The following MGAM variants were observed in gnomAD, a reference collection of about 807,000 sequenced individuals.
The protein encoded by MGAM is alpha-1,4-glucosidase.
Under a neutral mutation model 358.8 loss-of-function variants are expected in MGAM, and 253 were observed. The ratio of observed to expected loss-of-function variants is 0.71; its 90% CI spans 0.64 to 0.78. The LOEUF is 0.78. Ranked by LOEUF, MGAM falls within the 30% of genes least tolerant of loss-of-function variation. The pLI is 0.00. For missense variants in MGAM, 3,080 were observed against 3,432.6 expected, an observed-to-expected ratio of 0.90 and a Z score of 2.57; for synonymous variants, 1,105 against 1,227.1, an observed-to-expected ratio of 0.90 and a Z score of 2.08.
rs112992865 is a variant in MGAM at position 142,087,003 on chromosome 7, C to G, written c.6810+286C>G. ...CAGAGTGTTGATTTCAATTCCAAGG[C>G]TGTCAGATTACAAAGGCCCAAGAAA... is the stretch of plus-strand genomic sequence containing the variant. On this transcript the variant is annotated intron_variant, in intron 57 of 70. Coordinates refer to ENST00000475668, the MANE Select transcript of MGAM (RefSeq NM_001365693.1). 1.6e-3 allele frequency among the ~76,000 whole-genome samples: 165 copies of G among 100,124 alleles called. 29 individuals carry two copies. Among genetic ancestry groups the G allele is most frequent in the South Asian group, 0.014 (45 of 3,238 alleles). 65.7% of individuals were successfully genotyped at this position (100,124 alleles called of 152,430 possible).
At chr7:142,071,895 C>A (rs972269948) in intron 44 of MGAM, among the ~76,000 whole-genome samples, 1 of 146,124 alleles carries the variant, frequency 6.8e-6, no homozygotes, top group African/African-American at 2.4e-5. Flanking sequence ...TATCTTCATG[C>A]CTTTGAGAGT....
chr7:142,037,598 G>A (rs1412365012), intron 18 of MGAM, among the ~76,000 whole-genome samples: 1 of 152,012 alleles, frequency 6.6e-6, no homozygotes, highest in Admixed American at 6.6e-5. Flanking sequence ...CATTATTTTG[G>A]GAAGTTTTTG....
intron 2 of MGAM, 77 bp downstream of exon 2, chr7:142,005,734 G>T: frequency 7.0e-7 from 1 of 1,435,606 alleles, no homozygotes; most frequent in Non-Finnish European, 9.5e-7. Context: ...GGAAAGTAAT[G>T]CTTTCATGCT....
rs1241243844 is a variant in MGAM at position 142,026,980 on chromosome 7, G to A, written c.983-135G>A. ...CTTGGATGGTCAGGGTTTTCACTTGGTATTCAAAATGTGAGGCACTAGGGT... is the reference window on the plus strand; with the variant it reads ...CTTGGATGGTCAGGGTTTTCACTTGATATTCAAAATGTGAGGCACTAGGGT... On this transcript the variant is annotated intron_variant, in intron 8 of 70. Coordinates refer to ENST00000475668, the MANE Select transcript of MGAM (RefSeq NM_001365693.1). 1.4e-5 allele frequency: 9 copies of A among 624,912 alleles called. No individual in the cohort carries two copies. The East Asian group carries it at 1.6e-4, about 11-fold the overall frequency. 38.7% of individuals were successfully genotyped at this position (624,912 alleles called of 1,614,324 possible).
intron 49 of MGAM, 103 bp downstream of exon 49, chr7:142,079,111 A>T: frequency 9.7e-7 from 1 of 1,033,586 alleles, no homozygotes; most frequent in East Asian, 2.6e-5. Flanking sequence ...ATCATGCTAC[A>T]TTAGACTATG....
rs371258426 is a variant in MGAM, at chr7:142,073,886, G to T, written c.5187-199G>T. On this transcript the variant is annotated intron_variant, in intron 44 of 70. Transcript: ENST00000475668. ...CTCCAACGTAGATGTTATTGTTAAT[G>T]TTTGGGGTGTTTCTATCTCCTGTGA... is the stretch of plus-strand genomic sequence containing the variant. Among the ~76,000 whole-genome samples the T allele has an allele frequency of 1.0e-4, 15 of 146,486 alleles. 2 individuals are homozygous for T. In the South Asian group the frequency reaches 2.6e-3, roughly 26 times the overall value.
chr7:142,054,803 T>G lies in MGAM; in HGVS notation c.3209T>G (p.Ile1070Arg). The G allele has an allele frequency of 4.3e-6, 7 of 1,613,956 alleles. No individual in the cohort carries two copies. The highest frequency in any genetic ancestry group is 5.1e-6 in the Non-Finnish European group (6 of 1,179,854). The stretch of plus-strand genomic sequence containing the variant: ...TATGAAGTTCCAGTCCCTCTGAACA[T>G]ACCCAGCATGCCATCCAGCACCCCT... Reference protein sequence around the residue: ...NRYEVPVPLNIPSMPSSTPEG... With the variant: ...NRYEVPVPLNRPSMPSSTPEG... Residue 1070 changes from isoleucine (I) to arginine (R), a missense_variant, in exon 27 of 71, where the codon ATA (isoleucine) becomes AGA (arginine). Transcript: ENST00000475668.
chr7:142,024,744 C>T (rs1051521283), intron 7 of MGAM, among the ~76,000 whole-genome samples: 7 of 152,112 alleles, frequency 4.6e-5, no homozygotes, highest in African/African-American at 1.7e-4. Flanking sequence ...AGACAGGCCT[C>T]TTTGAGAGGG....
chr7:142,007,550 T>C (rs576514019), intron 2 of MGAM, among the ~76,000 whole-genome samples: 1 of 152,278 alleles, frequency 6.6e-6, no homozygotes, highest in East Asian at 1.9e-4. Flanking sequence ...ATGCAGACAT[T>C]GGCACAATTT....
intron 38 of MGAM, 39 bp downstream of exon 38, chr7:142,065,507 A>C (rs1310134416): frequency 6.2e-7 from 1 of 1,613,902 alleles, no homozygotes; most frequent in Non-Finnish European, 8.5e-7. Flanking sequence ...CCGACAGGGC[A>C]GGGAGTTGGG....
rs1340394746 is a variant in MGAM at position 142,086,245 on chromosome 7, C to T, written c.6664C>T (p.Gln2222Ter). 1.3e-6 allele frequency: 2 copies of T among 1,542,246 alleles called. No homozygotes were observed. The highest frequency in any genetic ancestry group is 1.8e-6 in the Non-Finnish European group (2 of 1,125,100). The change falls in exon 56 of 71, where the codon CAG becomes TAG. Residue 2222 changes from glutamine (Q) to a stop codon, truncating the protein, a stop_gained. Coordinates refer to ENST00000475668, the MANE Select transcript of MGAM (RefSeq NM_001365693.1). LOFTEE classifies it high-confidence loss of function. The stretch of plus-strand genomic sequence containing the variant: ...TCCAGCCATTTCTGGCAATGAGACA[C>T]AGCCCTATCCTGCCTTCACTCGGGG... ...LDPAISGNET[Q>*]PYPAFTRGVE...
Position 142,091,919 on chromosome 7 carries a change from C to T in MGAM, c.6817C>T (p.Arg2273Ter), listed in dbSNP as rs758163241. Residue 2273 changes from arginine to a stop codon, truncating the protein, a stop_gained, in exon 58 of 71, where the codon CGA (arginine) becomes TGA (stop). Coordinates refer to ENST00000475668, the MANE Select transcript of MGAM (RefSeq NM_001365693.1). LOFTEE classifies it high-confidence loss of function. ...TTATATTTCTTTTTTATAGCTATAT[C>T]GAGCTTATGTGGCCTTCCCAGACTT... is the stretch of plus-strand genomic sequence containing the variant. ...LDWDSQVELY[R>*]AYVAFPDFFR... 15 of 1,482,394 alleles carry T rather than the reference C, an allele frequency of 1.0e-5. 2 individuals carry two copies. The highest frequency in any genetic ancestry group is 3.9e-5 in the Admixed American group (2 of 51,104). 91.8% of individuals were successfully genotyped at this position (1,482,394 alleles called of 1,614,324 possible).
At position 142,041,330 on chromosome 7, in the gene MGAM, T is replaced by C. The variant is rs143505513; in HGVS notation, c.2498+484T>C. Among the ~76,000 whole-genome samples, 9 of 152,246 alleles carry C rather than the reference T, an allele frequency of 5.9e-5. No individual in the cohort carries two copies. In the East Asian group the frequency reaches 1.5e-3, roughly 26 times the overall value. The stretch of plus-strand genomic sequence containing the variant: ...AGAGTATTAGCCTACTTGTCTTTAA[T>C]AGACCAGGAGCTCTTTGGAAGCCAG... On this transcript the variant is annotated intron_variant, in intron 21 of 70. Transcript: ENST00000475668.
intron 50 of MGAM, 64 bp from the exon 51 acceptor site, chr7:142,081,978 T>A: frequency 6.8e-7 from 1 of 1,468,870 alleles, no homozygotes; most frequent in Non-Finnish European, 9.5e-7. Context: ...CCTTGAAAAG[T>A]CAGCTGCTGG....
intron 3 of MGAM, among the ~76,000 whole-genome samples, chr7:142,012,515 AG>A (rs1288531618): frequency 6.6e-6 from 1 of 152,170 alleles, no homozygotes; most frequent in Non-Finnish European, 1.5e-5. Flanking sequence ...TTCCAGCCAA[AG>A]CACCAGTCTA....
At chr7:142,007,935 T>C (rs139330133) in intron 2 of MGAM, among the ~76,000 whole-genome samples, 124 of 152,294 alleles carry the variant, frequency 8.1e-4, no homozygotes, top group African/African-American at 2.8e-3. Flanking sequence ...CTGTGTGCCC[T>C]TGCTGCTGGG....
At chr7:142,045,113 C>T (rs1253327463) in intron 21 of MGAM, among the ~76,000 whole-genome samples, 4 of 48,190 alleles carry the variant, frequency 8.3e-5, no homozygotes, top group East Asian at 6.7e-4. Context: ...TATATACGTG[C>T]AATATATGAT....
chr7:142,089,864 A>G (rs1178391351), intron 57 of MGAM, among the ~76,000 whole-genome samples: 1 of 146,282 alleles, frequency 6.8e-6, no homozygotes, highest in Non-Finnish European at 1.5e-5. Context: ...CCTAATATTT[A>G]TATTATTAAT....
At chr7:141,993,961 C>T (rs148033172), upstream of MGAM, among the ~76,000 whole-genome samples, 725 of 152,274 alleles carry the variant, frequency 4.8e-3, 3 homozygotes, top group African/African-American at 7.3e-3. Context: ...CTACAACCTC[C>T]GCCTCCTGGG....
Sources: allele counts gnomAD v4.1 joint callset (sites outside exome capture counted in the v4.1 genomes callset), GRCh38; gene constraint gnomAD v4.1.1; transcripts MANE v1.5; gene names NCBI Gene and HGNC (gene_info 2026-07-23, HGNC 2026-07-21).